Variants in JAKMIP3 observed in about 807,000 individuals in gnomAD.
The protein encoded by JAKMIP3 is janus kinase and microtubule-interacting protein 3.
Under a neutral mutation model 118.5 loss-of-function variants are expected in JAKMIP3, and 58 were observed. That is an observed-to-expected ratio of 0.49 (90% CI 0.40 to 0.61). The LOEUF (loss-of-function observed/expected upper bound fraction) is 0.61, where lower values mean the gene tolerates loss of function less well. JAKMIP3 is among the 20% of genes least tolerant of loss of function. The pLI, the probability that JAKMIP3 is intolerant of heterozygous loss-of-function variation, is 0.00. For synonymous variants in JAKMIP3, 486 were observed against 451.2 expected, an observed-to-expected ratio of 1.08 and a Z score of -0.98; for missense variants, 950 against 1,109.0, an observed-to-expected ratio of 0.86 and a Z score of 2.04.
intron 23 of JAKMIP3, among the ~76,000 whole-genome samples, chr10:132,170,664 G>A (rs915403549): frequency 2.6e-5 from 4 of 152,152 alleles, no homozygotes; most frequent in Admixed American, 6.5e-5. Flanking sequence ...CCATGGGGGC[G>A]GTCAGGGTAG....
chr10:132,062,312 ACAGTCAAAGATGG>A (rs1309496303), upstream of JAKMIP3, among the ~76,000 whole-genome samples: 5 of 152,206 alleles, frequency 3.3e-5, no homozygotes, highest in Non-Finnish European at 7.3e-5. Context: ...CAGTGCTGAA[ACAGTCAAAGATGG>A]CTGTCCCTCA....
chr10:132,159,857 C>G (rs376561979), intron 19 of JAKMIP3, among the ~76,000 whole-genome samples: 30 of 64,622 alleles, frequency 4.6e-4, no homozygotes, highest in African/African-American at 2.3e-3. Flanking sequence ...GGGGCCTCTC[C>G]CTGTGTGATG....
intron 19 of JAKMIP3, among the ~76,000 whole-genome samples, chr10:132,156,008 A>G (rs963597584): frequency 6.6e-6 from 1 of 152,130 alleles, no homozygotes; most frequent in African/African-American, 2.4e-5. Flanking sequence ...TGGGCCTTGC[A>G]TGCTTTGGTC....
At chr10:132,094,715 G>T (rs1405628009) in intron 1 of JAKMIP3, among the ~76,000 whole-genome samples, 1 of 152,168 alleles carries the variant, frequency 6.6e-6, no homozygotes, top group Non-Finnish European at 1.5e-5. Context: ...TTGGCCTCCT[G>T]CTGGGAGGTG....
At chr10:132,088,251 T>A (rs2042652195) in intron 1 of JAKMIP3, among the ~76,000 whole-genome samples, 1 of 152,198 alleles carries the variant, frequency 6.6e-6, no homozygotes, top group African/African-American at 2.4e-5. Flanking sequence ...TCAAATGGTA[T>A]TTCTAGTTCT....
Position 132,049,883 on chromosome 10 carries a change from T to C in JAKMIP3, c.-138+13145T>C, listed in dbSNP as rs191824266. ...GTTTTTGTTTTGGCTATTTTTGATA[T>C]TGGGATATTTTACAAGGTTCCCAGC... On this transcript the variant is annotated intron_variant, in intron 1 of 23. Coordinates refer to the JAKMIP3 transcript ENST00000657785. The surrounding 1 kb of genome is among the most constrained non-coding windows in gnomAD (Gnocchi z 4.3). Among the ~76,000 whole-genome samples, 537 of 152,356 alleles carry C rather than the reference T, an allele frequency of 3.5e-3. 2 individuals are homozygous for C. Among genetic ancestry groups the C allele is most frequent in the Non-Finnish European group, 5.9e-3 (398 of 68,034 alleles).
At chr10:132,047,962 G>A (rs991968139) in intron 1 of JAKMIP3, among the ~76,000 whole-genome samples, 1 of 152,208 alleles carries the variant, frequency 6.6e-6, no homozygotes. Context: ...CTGTGGCGCC[G>A]CCTGTGTCTT....
chr10:132,101,199 T>C (rs2044843917), intron 1 of JAKMIP3, among the ~76,000 whole-genome samples: 2 of 152,062 alleles, frequency 1.3e-5, no homozygotes, highest in South Asian at 4.1e-4. Flanking sequence ...AGACAAGGTT[T>C]TAGCTTTCTA....
At chr10:132,062,146 C>T (rs889458024), upstream of JAKMIP3, among the ~76,000 whole-genome samples, 10 of 152,032 alleles carry the variant, frequency 6.6e-5, no homozygotes, top group African/African-American at 2.4e-4. Context: ...GATGAAGAAA[C>T]CTGGGCAGCC....
intron 16 of JAKMIP3, among the ~76,000 whole-genome samples, chr10:132,151,427 G>A (rs1229873147): frequency 2.6e-5 from 4 of 151,984 alleles, no homozygotes; most frequent in Non-Finnish European, 5.9e-5. Flanking sequence ...TGAGGCACAG[G>A]GCAGGGGTAC....
At chr10:132,074,599 A>G (rs2040480795) in intron 1 of JAKMIP3, among the ~76,000 whole-genome samples, 1 of 152,106 alleles carries the variant, frequency 6.6e-6, no homozygotes, top group Non-Finnish European at 1.5e-5. Flanking sequence ...TCGTATGCAT[A>G]GTTTGCAGAT....
At chr10:132,042,163 G>A (rs758801997) in intron 1 of JAKMIP3, among the ~76,000 whole-genome samples, 16 of 125,138 alleles carry the variant, frequency 1.3e-4, no homozygotes, top group Admixed American at 2.3e-4. Flanking sequence ...ACCGTGCCCC[G>A]CTAGTTCACT....
At chr10:132,180,103 A>T (rs1011615049) in intron 23 of JAKMIP3, among the ~76,000 whole-genome samples, 3 of 152,198 alleles carry the variant, frequency 2.0e-5, no homozygotes, top group Admixed American at 2.0e-4. Context: ...GTTTGCCATG[A>T]ATCACATTGT....
rs116832680 is a variant in JAKMIP3, at chr10:132,056,226, G to A, written c.-138+19488G>A. Among the ~76,000 whole-genome samples, 308 of 152,282 alleles carry A rather than the reference G, an allele frequency of 2.0e-3. 2 individuals are homozygous for A. Among genetic ancestry groups the A allele is most frequent in the African/African-American group, 7.2e-3 (299 of 41,548 alleles). On this transcript the variant is annotated intron_variant, in intron 1 of 23. Transcript: ENST00000657785. ...CAGTTTCTCCACCAACAGTGAGGGC[G>A]CCTCTCAGCACATTGCCACCGGGCT...
At chr10:132,116,929 G>T (rs1006021113) in intron 2 of JAKMIP3, 148 bp from the exon 3 acceptor site, 2 of 843,562 alleles carry the variant, frequency 2.4e-6, no homozygotes, top group East Asian at 5.4e-5. Flanking sequence ...ACATTCAGGT[G>T]TGAGTGTGTG....
intron 1 of JAKMIP3, among the ~76,000 whole-genome samples, chr10:132,045,003 C>T (rs2037866351): frequency 6.6e-6 from 1 of 152,146 alleles, no homozygotes; most frequent in Non-Finnish European, 1.5e-5. Context: ...CGGGTGGACA[C>T]TGGGGGGCTC....
chr10:132,164,448 G>A (rs999481095), intron 20 of JAKMIP3, among the ~76,000 whole-genome samples: 4 of 152,254 alleles, frequency 2.6e-5, no homozygotes, highest in African/African-American at 9.6e-5. Context: ...GGAATTGGAA[G>A]GATATTGTTC....
Position 132,053,962 on chromosome 10 carries a change from C to T in JAKMIP3, c.-138+17224C>T, listed in dbSNP as rs113740005. Among the ~76,000 whole-genome samples, 20 of 150,324 alleles carry T rather than the reference C, an allele frequency of 1.3e-4. 1 individual carries two copies. The highest frequency in any genetic ancestry group is 4.2e-4 in the African/African-American group (17 of 40,766). ...GGCTGAGGCAGGAGAACAGCATGAA[C>T]CCTGGAGGCGGAGCTTGCAGTGAGC... On this transcript the variant is annotated intron_variant, in intron 1 of 23. Coordinates refer to the JAKMIP3 transcript ENST00000657785.
intron 11 of JAKMIP3, 59 bp downstream of exon 11, chr10:132,142,107 T>TCAA: frequency 6.6e-7 from 1 of 1,516,218 alleles, no homozygotes; most frequent in South Asian, 1.3e-5. Context: ...CTTGACCCCG[T>TCAA]GGCCTGGGCT....
Sources: allele counts gnomAD v4.1 joint callset (sites outside exome capture counted in the v4.1 genomes callset), GRCh38; gene constraint gnomAD v4.1.1; non-coding constraint Gnocchi (gnomAD v3.1); transcripts MANE v1.5; gene names NCBI Gene and HGNC (gene_info 2026-07-23, HGNC 2026-07-21).